Variants in ZBTB7C observed in about 807,000 individuals in gnomAD.
The protein encoded by ZBTB7C is zinc finger and BTB domain-containing protein 7C.
Under a neutral mutation model 25.7 loss-of-function variants are expected in ZBTB7C, and 8 were observed. The observed-to-expected ratio is 0.31, with a 90% CI of 0.18 to 0.56. ZBTB7C has a LOEUF of 0.56. Among genes scored for constraint, ZBTB7C ranks in the 20% least tolerant of loss-of-function variants. ZBTB7C has a pLI of 0.91. For synonymous variants in ZBTB7C, 394 were observed against 369.0 expected, an observed-to-expected ratio of 1.07 and a Z score of -0.78; for missense variants, 824 against 855.2, an observed-to-expected ratio of 0.96 and a Z score of 0.46.
At chr18:48,072,545 C>G (rs2037589569) in intron 3 of ZBTB7C, 1 of 152,240 alleles carries the variant, frequency 6.6e-6, no homozygotes, top group African/African-American at 2.4e-5. Flanking sequence ...CAGACAGACA[C>G]AGGGGCAGGA....
At chr18:48,391,601 C>T (rs1312007082) in intron 1 of ZBTB7C, among the ~76,000 whole-genome samples, 2 of 151,640 alleles carry the variant, frequency 1.3e-5, no homozygotes, top group Non-Finnish European at 2.9e-5. Flanking sequence ...TTCTGATCCT[C>T]AGCTGTTAAC....
intron 2 of ZBTB7C, among the ~76,000 whole-genome samples, chr18:48,273,521 A>G (rs2044551534): frequency 6.6e-6 from 1 of 152,204 alleles, no homozygotes; most frequent in South Asian, 2.1e-4. Flanking sequence ...CAACAATGAA[A>G]TATCATTTTA....
intron 3 of ZBTB7C, among the ~76,000 whole-genome samples, chr18:48,154,140 C>T (rs937660572): frequency 1.8e-4 from 27 of 152,312 alleles, no homozygotes; most frequent in Admixed American, 5.9e-4. Flanking sequence ...GGGCTGGGCA[C>T]AATTCTGGGC....
chr18:48,259,163 T>C lies in ZBTB7C; in HGVS notation c.-78-73168A>G, dbSNP rs57413134. Among the ~76,000 whole-genome samples the C allele has an allele frequency of 7.9e-3, 1,199 of 152,330 alleles. 11 individuals are homozygous for C. Among genetic ancestry groups the C allele is most frequent in the African/African-American group, 0.027 (1,130 of 41,572 alleles). On this transcript the variant is annotated intron_variant, in intron 2 of 4. Transcript: ENST00000590800. ...CAGGGTTTCACCATGTTGCCCAGGC[T>C]GGCTTTGAACTACTGAGCACAAATA... is the stretch of plus-strand genomic sequence containing the variant.
Position 48,054,007 on chromosome 18 carries a change from C to T in ZBTB7C, c.-16-12884G>A, listed in dbSNP as rs1009837601. Among the ~76,000 whole-genome samples, 5 of 152,210 alleles carry T rather than the reference C, an allele frequency of 3.3e-5. 1 individual carries two copies. ...AGAGGCTGAGTGAGGATGGCACATGCAGACAGGAATGCCAGGGAGTTTGCG... is the reference window on the plus strand; with the variant it reads ...AGAGGCTGAGTGAGGATGGCACATGTAGACAGGAATGCCAGGGAGTTTGCG... On this transcript the variant is annotated intron_variant, in intron 3 of 4. Coordinates refer to ENST00000590800, the MANE Select transcript of ZBTB7C (RefSeq NM_001318841.2).
intron 3 of ZBTB7C, among the ~76,000 whole-genome samples, chr18:48,134,325 C>T (rs974110801): frequency 3.9e-5 from 6 of 152,062 alleles, no homozygotes; most frequent in Non-Finnish European, 8.8e-5. Flanking sequence ...GGCCAAACGC[C>T]CCAGATTATT....
chr18:48,094,610 A>C (rs1168311721), intron 3 of ZBTB7C, among the ~76,000 whole-genome samples: 2 of 152,182 alleles, frequency 1.3e-5, no homozygotes, highest in East Asian at 3.8e-4. Context: ...AAATTCTGAG[A>C]GGACATTTTT....
intron 2 of ZBTB7C, among the ~76,000 whole-genome samples, chr18:48,332,673 C>CTTTTT (rs58216606): frequency 2.8e-4 from 24 of 85,664 alleles, no homozygotes; most frequent in Non-Finnish European, 3.5e-4. Flanking sequence ...CTCTCCTTTG[C>CTTTTT]TTTTTTTTTT....
chr18:48,331,095 G>A (rs1401325411), intron 2 of ZBTB7C, among the ~76,000 whole-genome samples: 1 of 152,108 alleles, frequency 6.6e-6, no homozygotes, highest in Non-Finnish European at 1.5e-5. Flanking sequence ...GGGGCCAGAA[G>A]GCTTTGCTAG....
At chr18:48,221,136 C>T (rs1313065452) in intron 2 of ZBTB7C, among the ~76,000 whole-genome samples, 1 of 151,266 alleles carries the variant, frequency 6.6e-6, no homozygotes, top group East Asian at 2.0e-4. Context: ...CTATACTGTC[C>T]TATTCTCCTC....
intron 2 of ZBTB7C, among the ~76,000 whole-genome samples, chr18:48,211,834 C>G (rs1235320186): frequency 1.3e-5 from 2 of 152,132 alleles, no homozygotes; most frequent in Non-Finnish European, 2.9e-5. Context: ...GATCACATTC[C>G]TTGACATTTA....
At chr18:48,147,962 G>A (rs986155447) in intron 3 of ZBTB7C, 8 of 151,742 alleles carry the variant, frequency 5.3e-5, no homozygotes, top group African/African-American at 1.9e-4. Context: ...TTTTCTCTCT[G>A]CCTAACCCCT....
At chr18:48,253,680 A>C (rs2043936432) in intron 2 of ZBTB7C, among the ~76,000 whole-genome samples, 1 of 152,228 alleles carries the variant, frequency 6.6e-6, no homozygotes. Context: ...GGCTCCCCTC[A>C]AGTAATCATC....
At chr18:48,247,596 T>C (rs1208160507) in intron 2 of ZBTB7C, among the ~76,000 whole-genome samples, 1 of 152,234 alleles carries the variant, frequency 6.6e-6, no homozygotes, top group African/African-American at 2.4e-5. Flanking sequence ...CTCCACCTCT[T>C]CTGCTTCACT....
intron 3 of ZBTB7C, among the ~76,000 whole-genome samples, chr18:48,111,487 G>C (rs1300092087): frequency 2.0e-5 from 3 of 152,122 alleles, no homozygotes; most frequent in Admixed American, 6.5e-5. Flanking sequence ...TCAATATTTG[G>C]TAACCCAAGG....
chr18:48,360,374 T>C (rs1250335834), intron 1 of ZBTB7C, among the ~76,000 whole-genome samples: 1 of 152,012 alleles, frequency 6.6e-6, no homozygotes, highest in Non-Finnish European at 1.5e-5. Context: ...AAATATGAGG[T>C]TGGGATGGTG....
chr18:48,135,728 A>T (rs1405405407), intron 3 of ZBTB7C, among the ~76,000 whole-genome samples: 1 of 152,116 alleles, frequency 6.6e-6, no homozygotes, highest in Admixed American at 6.5e-5. Flanking sequence ...CAGAGCCTTT[A>T]CCACCTCCAA....
chr18:48,230,377 C>T (rs771707666), intron 2 of ZBTB7C, among the ~76,000 whole-genome samples: 1 of 152,198 alleles, frequency 6.6e-6, no homozygotes, highest in Non-Finnish European at 1.5e-5. Context: ...CTGAACAGGA[C>T]AGTTGGGCTT....
At chr18:48,411,097 G>A (rs912497323), upstream of ZBTB7C, among the ~76,000 whole-genome samples, 1 of 152,132 alleles carries the variant, frequency 6.6e-6, no homozygotes, top group Non-Finnish European at 1.5e-5. Flanking sequence ...CACATTGCAA[G>A]ATAGTACGTT....
Sources: gnomAD v4.1 joint callset for allele counts (sites outside exome capture counted in the v4.1 genomes callset) on GRCh38, gnomAD v4.1.1 for gene constraint, MANE v1.5 for transcripts, NCBI Gene and HGNC (gene_info 2026-07-23, HGNC 2026-07-21) for gene names.